Variants in CCSER2 observed in about 807,000 individuals in gnomAD.
CCSER2 encodes coiled-coil serine rich protein 2.
In CCSER2, 46 loss-of-function variants were observed where a neutral mutation model predicts 92.3. The observed-to-expected ratio is 0.50, with a 90% CI of 0.39 to 0.64. The LOEUF is 0.64. CCSER2 is among the 30% of genes least tolerant of loss of function. The pLI is 0.00. For synonymous variants in CCSER2, 433 were observed against 431.4 expected, an observed-to-expected ratio of 1.00 and a Z score of -0.04; for missense variants, 1,244 against 1,238.9, an observed-to-expected ratio of 1.00 and a Z score of -0.06.
intron 3 of CCSER2, among the ~76,000 whole-genome samples, chr10:84,408,550 A>G (rs528206203): frequency 7.9e-5 from 12 of 151,802 alleles, no homozygotes; most frequent in African/African-American, 2.9e-4. Flanking sequence ...CTTTACATTC[A>G]TTAGAGTAGG....
rs1564667346 is a variant in CCSER2 at position 84,441,733 on chromosome 10, AATGTTT to A, written c.2064+3027_2064+3032del. On this transcript the variant is annotated intron_variant, in intron 6 of 9. Transcript: ENST00000372088. ...TGGGAATAAAGTAGAAGACTGGGAA[AATGTTT>A]TTTTTTTTTTTTTTTTTTTTTTTTT... Among the ~76,000 whole-genome samples the A allele has an allele frequency of 7.8e-5, 9 of 115,986 alleles. No homozygotes were observed. In the South Asian group the frequency reaches 1.3e-3, roughly 16 times the overall value. The allele number at this position is 115,986 out of a possible 152,430, so 76.1% of individuals were successfully genotyped here.
chr10:84,474,762 C>G (rs1429689601), intron 8 of CCSER2, among the ~76,000 whole-genome samples: 10 of 151,764 alleles, frequency 6.6e-5, no homozygotes, highest in Non-Finnish European at 1.5e-5. Flanking sequence ...ATGCCTGGTC[C>G]ATGGATACAT....
intron 8 of CCSER2, among the ~76,000 whole-genome samples, chr10:84,471,025 G>T (rs972758103): frequency 6.6e-6 from 1 of 151,992 alleles, no homozygotes; most frequent in Admixed American, 6.6e-5. Context: ...TACTTAGTTT[G>T]TATATAAAAG....
chr10:84,390,557 G>C (rs1841463736), intron 3 of CCSER2, among the ~76,000 whole-genome samples: 1 of 152,192 alleles, frequency 6.6e-6, no homozygotes, highest in African/African-American at 2.4e-5. Context: ...ATGATGTTAT[G>C]ATAGTTATGA....
chr10:84,411,984 T>C (rs1842673766), intron 3 of CCSER2, among the ~76,000 whole-genome samples: 1 of 152,220 alleles, frequency 6.6e-6, no homozygotes, highest in Non-Finnish European at 1.5e-5. Flanking sequence ...GTATGTTCCT[T>C]CACTGCCTAG....
chr10:84,427,947 A>G (rs1589634649), intron 5 of CCSER2, among the ~76,000 whole-genome samples: 1 of 152,138 alleles, frequency 6.6e-6, no homozygotes, highest in African/African-American at 2.4e-5. Context: ...TGTCACTTCT[A>G]AAGGAAGTGA....
rs749842068 is a variant in CCSER2 at position 84,371,565 on chromosome 10, A to C, written c.513A>C (p.Ser171=). 3 of 1,613,582 alleles carry C rather than the reference A, an allele frequency of 1.9e-6. No individual in the cohort carries two copies. The East Asian group carries it at 6.7e-5, about 36-fold the overall frequency. ...TSYSSINTPK[S]QLNGFYGNRS... ...ATTCTTCGATCAATACTCCAAAATC[A>C]CAGTTGAATGGATTTTATGGAAACC... The change falls in exon 2 of 10, where the codon TCA becomes TCC. Residue 171 remains serine (S), a synonymous_variant. Coordinates refer to ENST00000372088, the MANE Select transcript of CCSER2 (RefSeq NM_001284240.2).
chr10:84,346,067 A>G (rs1844456600), intron 1 of CCSER2, among the ~76,000 whole-genome samples: 1 of 152,208 alleles, frequency 6.6e-6, no homozygotes, highest in Non-Finnish European at 1.5e-5. Flanking sequence ...TTTATGTATT[A>G]GAATAATCTT....
intron 1 of CCSER2, among the ~76,000 whole-genome samples, chr10:84,332,943 T>A (rs1173071276): frequency 6.6e-6 from 1 of 152,192 alleles, no homozygotes; most frequent in Admixed American, 6.5e-5. Flanking sequence ...ATTTGGAAAG[T>A]TAATATACAA....
chr10:84,345,948 A>G (rs1293980512), intron 1 of CCSER2, among the ~76,000 whole-genome samples: 2 of 152,202 alleles, frequency 1.3e-5, no homozygotes, highest in African/African-American at 4.8e-5. Context: ...CTTTCTACAT[A>G]CTGCTGTATC....
At chr10:84,332,657 A>T (rs1255417205) in intron 1 of CCSER2, among the ~76,000 whole-genome samples, 1 of 151,396 alleles carries the variant, frequency 6.6e-6, no homozygotes, top group East Asian at 1.9e-4. Context: ...ATATTTTTTT[A>T]AAAAATCAGT....
intron 6 of CCSER2, among the ~76,000 whole-genome samples, chr10:84,452,875 T>C (rs1845380600): frequency 6.6e-6 from 1 of 151,882 alleles, no homozygotes; most frequent in East Asian, 1.9e-4. Context: ...GCCTGGGCAC[T>C]TTCCTTTTAG....
intron 8 of CCSER2, among the ~76,000 whole-genome samples, chr10:84,476,847 G>A (rs1460009250): frequency 6.6e-6 from 1 of 152,128 alleles, no homozygotes; most frequent in African/African-American, 2.4e-5. Context: ...GAGTGGAATC[G>A]TGTGGAGAAA....
At chr10:84,474,247 A>G (rs554742666) in intron 8 of CCSER2, among the ~76,000 whole-genome samples, 2 of 152,352 alleles carry the variant, frequency 1.3e-5, no homozygotes, top group East Asian at 1.9e-4. Flanking sequence ...GGCTAGCAGT[A>G]TAGTATATTT....
chr10:84,449,917 G>T (rs994090188), intron 6 of CCSER2, among the ~76,000 whole-genome samples: 2 of 152,216 alleles, frequency 1.3e-5, no homozygotes, highest in African/African-American at 4.8e-5. Flanking sequence ...ATCTTAAAAT[G>T]CTAAGCATAC....
At chr10:84,467,272 G>A (rs1296652231) in intron 7 of CCSER2, among the ~76,000 whole-genome samples, 7 of 152,050 alleles carry the variant, frequency 4.6e-5, no homozygotes, top group Non-Finnish European at 1.5e-5. Context: ...TTAAATGTTA[G>A]ATTTATATCT....
At chr10:84,482,843 G>A (rs763556435) in intron 9 of CCSER2, among the ~76,000 whole-genome samples, 4 of 152,058 alleles carry the variant, frequency 2.6e-5, no homozygotes, top group African/African-American at 9.7e-5. Flanking sequence ...CTGTTGTATC[G>A]GTATCAGTGT....
At chr10:84,510,827 A>G (rs1422576056) in intron 9 of CCSER2, among the ~76,000 whole-genome samples, 1 of 152,152 alleles carries the variant, frequency 6.6e-6, no homozygotes, top group Non-Finnish European at 1.5e-5. Context: ...GTGGGTAACC[A>G]CTTCCATGTA....
At chr10:84,469,452 G>C (rs1846647833) in intron 7 of CCSER2, among the ~76,000 whole-genome samples, 1 of 152,052 alleles carries the variant, frequency 6.6e-6, no homozygotes, top group African/African-American at 2.4e-5. Context: ...TTTGTAAAAT[G>C]TCTATTTCTG....
Sources: allele counts gnomAD v4.1 joint callset (sites outside exome capture counted in the v4.1 genomes callset), GRCh38; gene constraint gnomAD v4.1.1; transcripts MANE v1.5; gene names NCBI Gene and HGNC (gene_info 2026-07-23, HGNC 2026-07-21).